The following PRKN variants were observed in gnomAD, a reference collection of about 807,000 sequenced individuals.
PRKN encodes the protein parkin RBR E3 ubiquitin protein ligase.
In PRKN, 56 loss-of-function variants were observed where a neutral mutation model predicts 59.5. The ratio of observed to expected loss-of-function variants is 0.94; its 90% CI spans 0.76 to 1.18. PRKN has a LOEUF of 1.18. PRKN is among the 50% of genes most tolerant of loss of function. The probability of loss-of-function intolerance (pLI) is 0.00; values close to 1 mark genes in which losing one functional copy is unlikely to be tolerated. For synonymous variants in PRKN, 250 were observed against 222.1 expected (o/e 1.13, Z -1.12); for missense variants, 657 against 596.4 (o/e 1.10, Z -1.06).
intron 5 of PRKN, among the ~76,000 whole-genome samples, chr6:162,048,038 G>A (rs528314877): frequency 6.6e-6 from 1 of 152,060 alleles, no homozygotes; most frequent in Admixed American, 6.5e-5. Context: ...AATAAATCTT[G>A]GAGTTATTGT....
chr6:162,058,957 G>GAAAAAA (rs553927046), intron 4 of PRKN, among the ~76,000 whole-genome samples: 18 of 87,258 alleles, frequency 2.1e-4, no homozygotes, highest in Non-Finnish European at 2.0e-4. Flanking sequence ...GCCTCAACAA[G>GAAAAAA]AAAAAAAAAA....
intron 4 of PRKN, among the ~76,000 whole-genome samples, chr6:162,132,908 A>G (rs1467031560): frequency 6.6e-6 from 1 of 152,184 alleles, no homozygotes; most frequent in African/African-American, 2.4e-5. Flanking sequence ...AACAGAATGT[A>G]CAAAGGTCCT....
At chr6:162,047,072 G>A (rs571349191) in intron 5 of PRKN, among the ~76,000 whole-genome samples, 10 of 152,094 alleles carry the variant, frequency 6.6e-5, no homozygotes, top group Non-Finnish European at 1.5e-4. Flanking sequence ...ACTTTGTCAC[G>A]CTTAGACACC....
In PRKN at chr6:162,400,875, A is replaced by G. The variant is rs1343096345; in HGVS notation, c.171+42435T>C. Among the ~76,000 whole-genome samples, 3 of 152,236 alleles carry G rather than the reference A, an allele frequency of 2.0e-5. No homozygotes were observed. In the East Asian group the frequency reaches 5.8e-4, roughly 29 times the overall value. On this transcript the variant is annotated intron_variant, in intron 2 of 11. Coordinates refer to ENST00000366898, the MANE Select transcript of PRKN (RefSeq NM_004562.3). ...GAACTACTATATACATCATACTCTG[A>G]GTACAATGTAATATACACTTAGAAA...
chr6:161,769,972 A>G (rs1269864009), intron 7 of PRKN, among the ~76,000 whole-genome samples: 1 of 152,202 alleles, frequency 6.6e-6, no homozygotes, highest in Admixed American at 6.5e-5. Context: ...CCATCCTGGG[A>G]GAGCCAGGGA....
In PRKN at chr6:161,588,488, T is replaced by G. The variant is rs1393936393; in HGVS notation, c.872-19072A>C. On this transcript the variant is annotated intron_variant, in intron 7 of 11. Transcript: ENST00000366898. This position sits in a 1 kb window ranked among gnomAD's most constrained non-coding sequence, Gnocchi z 5.0. ...AGGCTATGAAGCAATTTAAGGATAT[T>G]TGCAACAAACAAGTTGGTTTGCTGG... is the stretch of plus-strand genomic sequence containing the variant. Among the ~76,000 whole-genome samples the G allele has an allele frequency of 6.6e-6, 1 of 152,172 alleles. No individual in the cohort carries two copies. Among genetic ancestry groups the G allele is most frequent in the Non-Finnish European group, 1.5e-5 (1 of 68,036 alleles).
intron 7 of PRKN, among the ~76,000 whole-genome samples, chr6:161,677,010 C>G (rs1014685306): frequency 6.6e-6 from 1 of 152,176 alleles, no homozygotes; most frequent in Non-Finnish European, 1.5e-5. Flanking sequence ...ACTATAATTG[C>G]AAATAGCCCT....
intron 6 of PRKN, among the ~76,000 whole-genome samples, chr6:161,908,195 A>C (rs1477040372): frequency 1.3e-5 from 2 of 152,192 alleles, no homozygotes; most frequent in East Asian, 3.8e-4. Flanking sequence ...TATTCAATCA[A>C]TTTAGCTCGG....
At chr6:162,357,042 C>T (rs1275259067) in intron 2 of PRKN, among the ~76,000 whole-genome samples, 1 of 152,038 alleles carries the variant, frequency 6.6e-6, no homozygotes, top group Non-Finnish European at 1.5e-5. Context: ...CAAATAAGAT[C>T]ATCTAGATGA....
chr6:161,667,107 A>G (rs1784753793), intron 7 of PRKN, among the ~76,000 whole-genome samples: 1 of 152,196 alleles, frequency 6.6e-6, no homozygotes, highest in Non-Finnish European at 1.5e-5. Flanking sequence ...CCCTGCAGAA[A>G]CACTAGTCCC....
intron 9 of PRKN, among the ~76,000 whole-genome samples, chr6:161,408,389 T>C (rs1429458633): frequency 1.3e-5 from 2 of 150,402 alleles, no homozygotes; most frequent in Non-Finnish European, 2.9e-5. Flanking sequence ...TGGGTTTGCG[T>C]ATACATGTAA....
chr6:162,584,218 AAAAAAAC>A (rs201525617), intron 1 of PRKN, among the ~76,000 whole-genome samples: 19 of 92,652 alleles, frequency 2.1e-4, no homozygotes, highest in Admixed American at 5.9e-4. Flanking sequence ...GTCTCAAAAA[AAAAAAAC>A]AAAAAACAAA....
intron 7 of PRKN, among the ~76,000 whole-genome samples, chr6:161,759,090 T>C (rs551362448): frequency 1.6e-4 from 25 of 151,856 alleles, no homozygotes; most frequent in Middle Eastern, 3.4e-3. Flanking sequence ...GGCAGGAGAA[T>C]AGCTTGAACT....
At chr6:161,374,268 T>C (rs893388844) in intron 10 of PRKN, among the ~76,000 whole-genome samples, 3 of 151,514 alleles carry the variant, frequency 2.0e-5, no homozygotes, top group Non-Finnish European at 4.4e-5. Context: ...ATGTGCAGTG[T>C]GTGTGGTGTG....
chr6:162,605,072 C>G (rs889053220), intron 1 of PRKN, among the ~76,000 whole-genome samples: 5 of 152,200 alleles, frequency 3.3e-5, no homozygotes, highest in African/African-American at 9.6e-5. Flanking sequence ...TATCACTTGC[C>G]AAAAGTGATC....
Position 161,410,199 on chromosome 6 carries a change from G to A in PRKN, c.1084-23322C>T, listed in dbSNP as rs891156924. On this transcript the variant is annotated intron_variant, in intron 9 of 11. Coordinates refer to ENST00000366898, the MANE Select transcript of PRKN (RefSeq NM_004562.3). This position sits in a 1 kb window ranked among gnomAD's most constrained non-coding sequence, Gnocchi z 5.3. ...GGGCCTGGGGCAGGTGGGTGGCCAG[G>A]AATCTGAAGGAGAGTGAACATGAGT... 6.6e-6 allele frequency among the ~76,000 whole-genome samples: 1 copy of A among 152,106 alleles called. No individual in the cohort carries two copies. Among genetic ancestry groups the A allele is most frequent in the Non-Finnish European group, 1.5e-5 (1 of 68,026 alleles).
intron 6 of PRKN, among the ~76,000 whole-genome samples, chr6:161,904,531 G>T (rs1324949793): frequency 6.6e-6 from 1 of 151,994 alleles, no homozygotes; most frequent in African/African-American, 2.4e-5. Context: ...CAGCCAGGAC[G>T]GTCTCGATCT....
intron 7 of PRKN, among the ~76,000 whole-genome samples, chr6:161,617,104 A>G (rs1427692260): frequency 6.6e-6 from 1 of 152,116 alleles, no homozygotes; most frequent in Non-Finnish European, 1.5e-5. Context: ...TCACCATTCT[A>G]ATTGGTGTGA....
At chr6:162,341,903 T>TA (rs201948255) in intron 2 of PRKN, among the ~76,000 whole-genome samples, 16,637 of 144,598 alleles carry the variant, frequency 0.12, 1,009 homozygotes, top group Middle Eastern at 0.18. Context: ...CCTAATGTAT[T>TA]AAAAAAAAAA....
Sources: gnomAD v4.1 joint callset for allele counts (sites outside exome capture counted in the v4.1 genomes callset) on GRCh38, gnomAD v4.1.1 for gene constraint, Gnocchi (gnomAD v3.1) non-coding constraint, MANE v1.5 for transcripts, NCBI Gene and HGNC (gene_info 2026-07-23, HGNC 2026-07-21) for gene names.